The following TMIGD3 variants were observed in gnomAD, a reference collection of about 807,000 sequenced individuals.
The protein encoded by TMIGD3 is AD026 protein (AD026).
TMIGD3 carries 21 observed loss-of-function variants against 28.1 expected under a neutral mutation model. The ratio of observed to expected loss-of-function variants is 0.75; its 90% CI spans 0.53 to 1.08. The LOEUF is 1.08. TMIGD3 is among the 50% of genes least tolerant of loss of function. The probability of loss-of-function intolerance (pLI) is 0.00; values close to 1 mark genes in which losing one functional copy is unlikely to be tolerated. For missense variants in TMIGD3, 416 were observed against 435.6 expected, an observed-to-expected ratio of 0.96 and a Z score of 0.40; for synonymous variants, 151 against 162.1, an observed-to-expected ratio of 0.93 and a Z score of 0.52.
intron 4 of TMIGD3, 35 bp from the exon 5 acceptor site, chr1:111,485,875 G>A: frequency 6.6e-7 from 1 of 1,522,050 alleles, no homozygotes; most frequent in Middle Eastern, 1.7e-4. Flanking sequence ...ATGTTGCTTG[G>A]AAGAAACTGC....
At chr1:111,548,301 G>A (rs758105587) in intron 1 of TMIGD3, among the ~76,000 whole-genome samples, 7 of 152,208 alleles carry the variant, frequency 4.6e-5, no homozygotes, top group Admixed American at 6.5e-5. Flanking sequence ...GATTACAAGC[G>A]TGAGCCACTG....
At chr1:111,520,362 AG>A (rs1656016433) in intron 1 of TMIGD3, among the ~76,000 whole-genome samples, 1 of 152,230 alleles carries the variant, frequency 6.6e-6, no homozygotes, top group South Asian at 2.1e-4. Flanking sequence ...ATCACAGAAA[AG>A]TTTTTATTAC....
At chr1:111,552,467 C>T (rs1391339841) in intron 1 of TMIGD3, among the ~76,000 whole-genome samples, 1 of 152,168 alleles carries the variant, frequency 6.6e-6, no homozygotes, top group Non-Finnish European at 1.5e-5. Context: ...AGATTCTGAT[C>T]ATTTTTGGCA....
intron 5 of TMIGD3, among the ~76,000 whole-genome samples, chr1:111,485,051 C>A (rs1654295200): frequency 6.6e-6 from 1 of 152,136 alleles, no homozygotes; most frequent in East Asian, 1.9e-4. Context: ...GCACACAGTC[C>A]CTTCTCTATT....
At chr1:111,563,288 A>G (rs894733031) in intron 1 of TMIGD3, among the ~76,000 whole-genome samples, 2 of 152,102 alleles carry the variant, frequency 1.3e-5, no homozygotes, top group African/African-American at 4.8e-5. Context: ...AAATAAATAA[A>G]TAAATAAATA....
rs1657710149 is a variant in TMIGD3, at chr1:111,560,853, A to G, written c.107+2993T>C. Among the ~76,000 whole-genome samples, 4 of 152,252 alleles carry G rather than the reference A, an allele frequency of 2.6e-5. No individual in the cohort carries two copies. In the South Asian group the frequency reaches 8.3e-4, roughly 32 times the overall value. On this transcript the variant is annotated intron_variant, in intron 1 of 5. Transcript: ENST00000369717. ...AAATGTATCCAGCCAATTTCTCTCC[A>G]TCCTCCCAAATCCTTGCCAGGCCTT...
At chr1:111,529,845 G>A (rs1443604959) in intron 1 of TMIGD3, among the ~76,000 whole-genome samples, 13 of 151,716 alleles carry the variant, frequency 8.6e-5, no homozygotes, top group Non-Finnish European at 1.5e-4. Flanking sequence ...CCACAAAACC[G>A]CCATTGTCAT....
chr1:111,544,525 G>A (rs974370835), intron 1 of TMIGD3, among the ~76,000 whole-genome samples: 1 of 152,066 alleles, frequency 6.6e-6, no homozygotes, highest in African/African-American at 2.4e-5. Context: ...GTTGTAACAT[G>A]CATTGTATCA....
chr1:111,562,756 C>T (rs1335487053), intron 1 of TMIGD3, among the ~76,000 whole-genome samples: 2 of 152,200 alleles, frequency 1.3e-5, no homozygotes, highest in Non-Finnish European at 2.9e-5. Flanking sequence ...GGCCATACAC[C>T]TTTCTGTTCC....
intron 1 of TMIGD3, among the ~76,000 whole-genome samples, chr1:111,526,314 C>T (rs759149516): frequency 1.1e-4 from 16 of 152,108 alleles, no homozygotes; most frequent in Non-Finnish European, 1.9e-4. Context: ...ATCATGGGGG[C>T]GGTTTCCCCA....
intron 1 of TMIGD3, among the ~76,000 whole-genome samples, chr1:111,530,791 G>C (rs1392492098): frequency 6.6e-6 from 1 of 152,028 alleles, no homozygotes; most frequent in African/African-American, 2.4e-5. Context: ...GATGTTTCTT[G>C]ATGTAATTAT....
At position 111,486,623 on chromosome 1, in the gene TMIGD3, T is replaced by G. The variant is rs1271584661; in HGVS notation, c.835A>C (p.Lys279Gln). The G allele has an allele frequency of 6.2e-7, 1 of 1,613,952 alleles. No homozygotes were observed. The highest frequency in any genetic ancestry group is 8.5e-7 in the Non-Finnish European group (1 of 1,179,974). ...GCCTTGCGGACAACTTTGGGAGCCT[T>G]GCAGCTTCTGGTTTTGTTGCCTGAT... Reference protein sequence around the residue: ...DLSGNKTRSCKAPKVVRKADR... With the variant: ...DLSGNKTRSCQAPKVVRKADR... Residue 279 changes from lysine to glutamine, a missense_variant, in exon 4 of 6, where the codon AAG (lysine) becomes CAG (glutamine). Lys to Gln is a moderately conservative substitution (Grantham distance 53). Transcript: ENST00000369716.
At chr1:111,548,517 C>A (rs574669352) in intron 1 of TMIGD3, among the ~76,000 whole-genome samples, 2 of 152,188 alleles carry the variant, frequency 1.3e-5, no homozygotes, top group South Asian at 4.2e-4. Flanking sequence ...GTTTTGGCAC[C>A]CATCAAGTGG....
Position 111,500,372 on chromosome 1 carries a change from A to G in TMIGD3, c.350+2633T>C, listed in dbSNP as rs1655110436. The G allele has an allele frequency of 2.5e-6, 4 of 1,614,222 alleles. No individual in the cohort carries two copies. The South Asian group carries it at 3.3e-5, about 13-fold the overall frequency. The stretch of plus-strand genomic sequence containing the variant: ...AAAATCCAGGTGAGGAAGCTGAAGT[A>G]TACCATGTAGTCCATTCTCATGACG... On this transcript the variant is annotated intron_variant, in intron 1 of 5. Coordinates refer to ENST00000369716, the MANE Select transcript of TMIGD3 (RefSeq NM_020683.7).
In TMIGD3 at chr1:111,545,890, C is replaced by T. The variant is rs192483229; in HGVS notation, c.107+17956G>A. Among the ~76,000 whole-genome samples, 728 of 152,196 alleles carry T rather than the reference C, an allele frequency of 4.8e-3. 1 individual carries two copies. Among genetic ancestry groups the T allele is most frequent in the African/African-American group, 0.017 (695 of 41,540 alleles). Reference sequence around the variant, plus strand: ...TGTTGAAAAGACTGTCCTTTCTCCCCGGAACAGTCTTGGAAACCTGTTGAA... The same window carrying T: ...TGTTGAAAAGACTGTCCTTTCTCCCTGGAACAGTCTTGGAAACCTGTTGAA... On this transcript the variant is annotated intron_variant, in intron 1 of 5. Coordinates refer to the TMIGD3 transcript ENST00000369717.
intron 1 of TMIGD3, among the ~76,000 whole-genome samples, chr1:111,531,076 G>A (rs969089139): frequency 5.3e-5 from 8 of 152,226 alleles, no homozygotes; most frequent in South Asian, 4.1e-4. Flanking sequence ...TCAGGAGCTC[G>A]AGACCAGCCT....
chr1:111,513,785 C>T lies in TMIGD3; in HGVS notation c.108-23023G>A, dbSNP rs183368145. Reference sequence around the variant, plus strand: ...ATGACTAGGGCTTTTTGTGTTATCTCGGAGTTGGCGCCCTCTCCATTTCCT... The same window carrying T: ...ATGACTAGGGCTTTTTGTGTTATCTTGGAGTTGGCGCCCTCTCCATTTCCT... On this transcript the variant is annotated intron_variant, in intron 1 of 5. Transcript: ENST00000369717. Among the ~76,000 whole-genome samples, 27 of 152,262 alleles carry T rather than the reference C, an allele frequency of 1.8e-4. 1 individual carries two copies. The highest frequency in any genetic ancestry group is 1.0e-3 in the Admixed American group (16 of 15,306).
At chr1:111,485,389 C>T (rs1000357017) in intron 5 of TMIGD3, 22 of 223,126 alleles carry the variant, frequency 9.9e-5, no homozygotes, top group Middle Eastern at 1.6e-3. Flanking sequence ...TCTATACCTG[C>T]TTACCCAGCG....
chr1:111,488,949 G>C lies in TMIGD3; in HGVS notation c.533C>G (p.Ala178Gly), dbSNP rs760842978. ...GTATTTGGGGTGATTCTTGTAGTGG[G>C]CATTGTAGTTGCAGATGGCAGAAGC... ...DTASAICNYNAHYKNHPKYWC... is the reference protein window; with the variant it reads ...DTASAICNYNGHYKNHPKYWC... The change falls in exon 3 of 6, where the codon GCC becomes GGC. Residue 178 changes from alanine (A) to glycine (G), a missense_variant. Physicochemically the swap from Ala to Gly is moderately conservative, Grantham distance 60. Transcript: ENST00000369716. The C allele has an allele frequency of 6.2e-7, 1 of 1,614,182 alleles. No homozygotes were observed. The highest frequency in any genetic ancestry group is 1.6e-4 in the Middle Eastern group (1 of 6,062).
Sources: gnomAD v4.1 joint callset for allele counts (sites outside exome capture counted in the v4.1 genomes callset) on GRCh38, gnomAD v4.1.1 for gene constraint, MANE v1.5 for transcripts, NCBI Gene and HGNC (gene_info 2026-07-23, HGNC 2026-07-21) for gene names.